Variants in DOCK2 observed in about 807,000 individuals in gnomAD.
DOCK2 encodes dedicator of cytokinesis 2.
In DOCK2, 87 loss-of-function variants were observed where a neutral mutation model predicts 248.9. The observed-to-expected ratio is 0.35, with a 90% CI of 0.29 to 0.42. The LOEUF is 0.42. Among genes scored for constraint, DOCK2 ranks in the 10% least tolerant of loss-of-function variants. The pLI is 1.00. For synonymous variants in DOCK2, 805 were observed against 821.6 expected, an observed-to-expected ratio of 0.98 and a Z score of 0.35; for missense variants, 1,747 against 2,300.2, an observed-to-expected ratio of 0.76 and a Z score of 4.92.
chr5:169,979,222 A>G (rs1212687822), intron 27 of DOCK2, among the ~76,000 whole-genome samples: 1 of 152,170 alleles, frequency 6.6e-6, no homozygotes, highest in Non-Finnish European at 1.5e-5. Flanking sequence ...TCGAGCTCCT[A>G]CACTGTAAAG....
Position 169,765,482 on chromosome 5 carries a change from C to T in DOCK2, c.2554+3857C>T, listed in dbSNP as rs1019184827. Among the ~76,000 whole-genome samples the T allele has an allele frequency of 2.0e-5, 3 of 152,228 alleles. No individual in the cohort carries two copies. In the East Asian group the frequency reaches 5.8e-4, roughly 29 times the overall value. On this transcript the variant is annotated intron_variant, in intron 25 of 51. Transcript: ENST00000520908. ...AGGAGAAAGGACGCACAGATATGCC[C>T]GGAGAAAGCTCCAAGAGGAGTCTAG...
intron 25 of DOCK2, among the ~76,000 whole-genome samples, chr5:169,797,421 G>C (rs946261703): frequency 6.6e-6 from 1 of 152,218 alleles, no homozygotes; most frequent in Non-Finnish European, 1.5e-5. Context: ...AAGTGTCCCT[G>C]AGCCATCAAA....
chr5:169,741,773 G>A (rs546351563), intron 22 of DOCK2, among the ~76,000 whole-genome samples: 1 of 147,804 alleles, frequency 6.8e-6, no homozygotes, highest in South Asian at 2.2e-4. Flanking sequence ...AAATTATTTA[G>A]CTGCCACTTA....
chr5:169,825,836 G>GA (rs1382522347), intron 26 of DOCK2, among the ~76,000 whole-genome samples: 7 of 142,976 alleles, frequency 4.9e-5, no homozygotes, highest in South Asian at 2.3e-4. Flanking sequence ...AAAAAAAAAA[G>GA]AAAAAAACAA....
rs1436804787 is a variant in DOCK2 at position 169,763,264 on chromosome 5, C to T, written c.2554+1639C>T. Reference sequence around the variant, plus strand: ...ACCTCCAAATAAATTTCCCTCACCCCAAAAGCATTGAAATATGTCTGCCCC... The same window carrying T: ...ACCTCCAAATAAATTTCCCTCACCCTAAAAGCATTGAAATATGTCTGCCCC... On this transcript the variant is annotated intron_variant, in intron 25 of 51. Transcript: ENST00000520908. The surrounding 1 kb of genome is among the most constrained non-coding windows in gnomAD (Gnocchi z 4.1). Among the ~76,000 whole-genome samples, 1 of 152,166 alleles carries T rather than the reference C, an allele frequency of 6.6e-6. No individual in the cohort carries two copies. The highest frequency in any genetic ancestry group is 1.5e-5 in the Non-Finnish European group (1 of 68,020).
At chr5:169,887,945 G>T (rs72842517) in intron 27 of DOCK2, among the ~76,000 whole-genome samples, 1,933 of 152,284 alleles carry the variant, frequency 0.013, 20 homozygotes, top group Non-Finnish European at 0.019. Context: ...AAGTAGAAAA[G>T]AAATTGTATC....
In DOCK2 at chr5:170,011,149, T is replaced by C. The variant is rs114667314; in HGVS notation, c.3232+2403T>C. On this transcript the variant is annotated intron_variant, in intron 32 of 51. Transcript: ENST00000520908. ...AGTAAATTGGATGAAAGCAGAACTA[T>C]TGTAATTGAAGTGAGGTGGGAGACC... Among the ~76,000 whole-genome samples the C allele has an allele frequency of 3.7e-3, 559 of 152,276 alleles. 1 individual carries two copies. Among genetic ancestry groups the C allele is most frequent in the African/African-American group, 0.013 (531 of 41,540 alleles).
intron 44 of DOCK2, among the ~76,000 whole-genome samples, chr5:170,060,955 G>A (rs1246680367): frequency 8.5e-5 from 13 of 152,098 alleles, no homozygotes; most frequent in South Asian, 2.1e-4. Flanking sequence ...ACTTGAACCC[G>A]GGAGGCGGAG....
In DOCK2 at chr5:170,074,381, T is replaced by C. The variant is rs1449826819; in HGVS notation, c.4729-1566T>C. ...ACTTTCCTCCAGTGTCTGGTGATAC[T>C]TGGCATTCTCTTCATAGTTAAGAGC... On this transcript the variant is annotated intron_variant, in intron 46 of 51. Coordinates refer to ENST00000520908, the MANE Select transcript of DOCK2 (RefSeq NM_004946.3). 2.6e-5 allele frequency among the ~76,000 whole-genome samples: 4 copies of C among 152,324 alleles called. No homozygotes were observed. In the South Asian group the frequency reaches 8.3e-4, roughly 32 times the overall value.
At chr5:169,865,098 A>G (rs917500480) in intron 27 of DOCK2, among the ~76,000 whole-genome samples, 3 of 152,176 alleles carry the variant, frequency 2.0e-5, no homozygotes, top group Non-Finnish European at 4.4e-5. Flanking sequence ...AGAGCTTTAC[A>G]TGTAAGACTG....
rs1314693601 is a variant in DOCK2 at position 169,962,144 on chromosome 5, A to T, written c.2800-20924A>T. On this transcript the variant is annotated intron_variant, in intron 27 of 51. Transcript: ENST00000520908. Reference sequence around the variant, plus strand: ...GTGGCTAAGTAGAGATGTGAGTAATAGGACTGGGTTTTTAAAAAGTCTACT... The same window carrying T: ...GTGGCTAAGTAGAGATGTGAGTAATTGGACTGGGTTTTTAAAAAGTCTACT... 3.3e-5 allele frequency among the ~76,000 whole-genome samples: 5 copies of T among 152,006 alleles called. No individual in the cohort carries two copies. In the East Asian group the frequency reaches 9.6e-4, roughly 29 times the overall value.
chr5:169,950,382 CA>C (rs764421669), intron 27 of DOCK2, among the ~76,000 whole-genome samples: 33 of 152,312 alleles, frequency 2.2e-4, no homozygotes, highest in Non-Finnish European at 4.1e-4. Context: ...ACTCAAAAAA[CA>C]GTAGTATTAT....
chr5:169,729,916 A>ACCT lies in DOCK2; in HGVS notation c.2267+11125_2267+11126insCCT, dbSNP rs1413876877. On this transcript the variant is annotated intron_variant, in intron 22 of 51. Transcript: ENST00000520908. ...CCTGGTCTAAAGTGGGGATTACCTC[A>ACCT]GAATGTTATTGTGAGGGTTCTGAAA... Among the ~76,000 whole-genome samples, 4 of 152,242 alleles carry ACCT rather than the reference A, an allele frequency of 2.6e-5. No individual in the cohort carries two copies. In the East Asian group the frequency reaches 7.7e-4, roughly 29 times the overall value.
At chr5:169,914,626 A>C (rs1474456328) in intron 27 of DOCK2, among the ~76,000 whole-genome samples, 2 of 152,248 alleles carry the variant, frequency 1.3e-5, no homozygotes, top group African/African-American at 4.8e-5. Flanking sequence ...TTTAAGATCA[A>C]GAGTTTCCAC....
Position 170,082,029 on chromosome 5 carries a change from A to G in DOCK2, c.5430+45A>G, listed in dbSNP as rs1274957125. 11 of 1,604,662 alleles carry G rather than the reference A, an allele frequency of 6.9e-6. No individual in the cohort carries two copies. In the South Asian group the frequency reaches 1.0e-4, roughly 15 times the overall value. ...AAGGAAAGGAAGGCATTGGGAGGAG[A>G]AAGGGAAGAGAGCAATGCAGAGAGA... On this transcript the variant is annotated intron_variant, in intron 51 of 51. Coordinates refer to ENST00000520908, the MANE Select transcript of DOCK2 (RefSeq NM_004946.3).
At chr5:169,797,396 G>T (rs1766718568) in intron 25 of DOCK2, among the ~76,000 whole-genome samples, 1 of 152,150 alleles carries the variant, frequency 6.6e-6, no homozygotes, top group Non-Finnish European at 1.5e-5. Flanking sequence ...GGTGAAAAAA[G>T]GGTCCTCTTA....
chr5:169,854,103 G>C (rs1051322298), intron 27 of DOCK2, among the ~76,000 whole-genome samples: 1 of 151,566 alleles, frequency 6.6e-6, no homozygotes. Context: ...GATTACAGGT[G>C]TGAGCCACTG....
Position 170,081,874 on chromosome 5 carries a change from T to C in DOCK2, c.5320T>C (p.Leu1774=). 6.2e-7 allele frequency: 1 copy of C among 1,611,774 alleles called. No homozygotes were observed. Among genetic ancestry groups the C allele is most frequent in the Non-Finnish European group, 8.5e-7 (1 of 1,179,264 alleles). The change falls in exon 51 of 52, where the codon TTG becomes CTG. Residue 1774 remains leucine (L), a synonymous_variant. Coordinates refer to ENST00000520908, the MANE Select transcript of DOCK2 (RefSeq NM_004946.3). ...LALSVAGIPG[L]DEANTSPRLS... is the part of the protein sequence containing the mutation. ...GCTCTCAGTGGCAGGCATCCCTGGG[T>C]TGGATGAGGCCAACACATCTCCCCG...
intron 25 of DOCK2, among the ~76,000 whole-genome samples, chr5:169,765,248 C>T (rs1278086123): frequency 6.6e-6 from 1 of 152,114 alleles, no homozygotes; most frequent in African/African-American, 2.4e-5. Context: ...GAATGGGTCC[C>T]CTTGGGTTGC....
Sources: gnomAD v4.1 joint callset for allele counts (sites outside exome capture counted in the v4.1 genomes callset) on GRCh38, gnomAD v4.1.1 for gene constraint, Gnocchi (gnomAD v3.1) non-coding constraint, MANE v1.5 for transcripts, NCBI Gene and HGNC (gene_info 2026-07-23, HGNC 2026-07-21) for gene names.